Variants in ENTREP3 observed in about 807,000 individuals in gnomAD.
The protein encoded by ENTREP3 is endosomal transmembrane epsin interactor 3, also known as protein ENTREP3.
the ENTREP3 span, chr1:155,253,702 T>C: frequency 6.2e-6 from 10 of 1,610,352 alleles, no homozygotes; most frequent in East Asian, 1.8e-4. Context: ...GCGGCACAAA[T>C]GGTGAGCCCA....
the ENTREP3 span, among the ~76,000 whole-genome samples, chr1:155,252,506 A>C: frequency 6.7e-6 from 1 of 149,656 alleles, no homozygotes; most frequent in Non-Finnish European, 1.5e-5. Flanking sequence ...AGTAGCTGGG[A>C]TTACAGGCAC....
chr1:155,251,962 G>A, the ENTREP3 span: 2 of 1,266,202 alleles, frequency 1.6e-6, no homozygotes, highest in African/African-American at 3.1e-5. Flanking sequence ...AGCTCCTCCT[G>A]GGCCCCCAAA....
chr1:155,247,471 C>T, the ENTREP3 span: 2 of 631,234 alleles, frequency 3.2e-6, no homozygotes, highest in Non-Finnish European at 5.9e-6. Context: ...GACCATAGTG[C>T]CCTTGCAAAT....
At chr1:155,249,984 C>T in the ENTREP3 span, among the ~76,000 whole-genome samples, 6 of 150,702 alleles carry the variant, frequency 4.0e-5, no homozygotes, top group South Asian at 1.3e-3. Context: ...CACTTGAACC[C>T]GGGAAACGGG....
At chr1:155,253,655 G>T in the ENTREP3 span, 1 of 1,613,970 alleles carries the variant, frequency 6.2e-7, no homozygotes, top group South Asian at 1.1e-5. Flanking sequence ...AGAAGATTTG[G>T]ATGCAGCAGA....
the ENTREP3 span, chr1:155,253,918 C>T: frequency 3.1e-6 from 5 of 1,612,592 alleles, no homozygotes. Flanking sequence ...AGTTCCTGCC[C>T]CGACTCTGGA....
the ENTREP3 span, chr1:155,254,008 T>C: frequency 1.9e-6 from 3 of 1,612,504 alleles, no homozygotes; most frequent in Non-Finnish European, 2.5e-6. This position sits in a 1 kb window ranked among gnomAD's most constrained non-coding sequence, Gnocchi z 4.4. Flanking sequence ...TGAGGCAGCC[T>C]GAGTCAGGAC....
At chr1:155,253,686 A>G in the ENTREP3 span, 1 of 1,612,928 alleles carries the variant, frequency 6.2e-7, no homozygotes, top group Non-Finnish European at 8.5e-7. Context: ...GAGTGTACAG[A>G]TTATAGCGGC....
the ENTREP3 span, chr1:155,247,736 G>C: frequency 2.8e-6 from 4 of 1,452,012 alleles, no homozygotes; most frequent in Non-Finnish European, 3.6e-6. Context: ...GTCCCAACCA[G>C]CTGGTGCCTG....
the ENTREP3 span, chr1:155,254,190 G>T: frequency 6.2e-7 from 1 of 1,612,860 alleles, no homozygotes; most frequent in South Asian, 1.1e-5. This position sits in a 1 kb window ranked among gnomAD's most constrained non-coding sequence, Gnocchi z 4.4. Flanking sequence ...GGAGAAGAAG[G>T]AGATCTGGGG....
the ENTREP3 span, chr1:155,248,465 T>C: frequency 6.2e-7 from 1 of 1,613,522 alleles, no homozygotes; most frequent in South Asian, 1.1e-5. Flanking sequence ...TAAAGGTCCC[T>C]GAAGTCAGCT....
chr1:155,248,230 G>A, the ENTREP3 span: 156 of 1,606,326 alleles, frequency 9.7e-5, no homozygotes, highest in African/African-American at 1.1e-3. Context: ...GCCGTTTCTC[G>A]GCTGACCGGG....
chr1:155,254,825 G>A, the ENTREP3 span: 3 of 1,604,644 alleles, frequency 1.9e-6, no homozygotes, highest in Non-Finnish European at 1.7e-6. The surrounding 1 kb of genome is among the most constrained non-coding windows in gnomAD (Gnocchi z 4.4). Flanking sequence ...AAGGCCCCTG[G>A]TGCTGGGCCG....
chr1:155,248,012 C>A, the ENTREP3 span: 5 of 1,613,710 alleles, frequency 3.1e-6, no homozygotes, highest in Non-Finnish European at 4.2e-6. Context: ...AAGCTCCACG[C>A]TTTCCCAAAC....
chr1:155,250,117 G>A, the ENTREP3 span, among the ~76,000 whole-genome samples: 2 of 152,122 alleles, frequency 1.3e-5, no homozygotes, highest in African/African-American at 2.4e-5. The surrounding 1 kb of genome is among the most constrained non-coding windows in gnomAD (Gnocchi z 5.4). Context: ...TCTGTCCCTA[G>A]GAGGTGAGTA....
the ENTREP3 span, chr1:155,250,186 A>G: frequency 8.4e-7 from 1 of 1,192,808 alleles, no homozygotes; most frequent in Non-Finnish European, 1.2e-6. The surrounding 1 kb of genome is among the most constrained non-coding windows in gnomAD (Gnocchi z 5.4). Context: ...AGGGACCTCA[A>G]CTGTGCCCCA....
the ENTREP3 span, chr1:155,252,705 TATATATATATATATATA>T: frequency 1.5e-4 from 8 of 52,810 alleles, no homozygotes; most frequent in Non-Finnish European, 1.1e-4. Flanking sequence ...TATATATATA[TATATATATATATATATA>T]TTTTTTTTTT....
chr1:155,253,921 A>T, the ENTREP3 span: 1 of 1,612,000 alleles, frequency 6.2e-7, no homozygotes, highest in Non-Finnish European at 8.5e-7. Context: ...TCCTGCCCCG[A>T]CTCTGGACAG....
chr1:155,254,023 T>C, the ENTREP3 span: 1 of 1,613,100 alleles, frequency 6.2e-7, no homozygotes, highest in Non-Finnish European at 8.5e-7. This position sits in a 1 kb window ranked among gnomAD's most constrained non-coding sequence, Gnocchi z 4.4. Context: ...CAGGACAAAC[T>C]GAGGTGTCCT....
Sources: allele counts gnomAD v4.1 joint callset (sites outside exome capture counted in the v4.1 genomes callset), GRCh38; gene constraint gnomAD v4.1.1; non-coding constraint Gnocchi (gnomAD v3.1); transcripts MANE v1.5; gene names NCBI Gene and HGNC (gene_info 2026-07-23, HGNC 2026-07-21).